The following MUC5B variants were observed in gnomAD, a reference collection of about 807,000 sequenced individuals.
The protein encoded by MUC5B is mucin 5B, oligomeric mucus/gel-forming.
A neutral mutation model predicts 376.9 loss-of-function variants in MUC5B; 116 were observed. The ratio of observed to expected loss-of-function variants is 0.31; its 90% CI spans 0.26 to 0.36. The LOEUF is 0.36. Among genes scored for constraint, MUC5B ranks in the 10% least tolerant of loss-of-function variants. The pLI is 1.00. For synonymous variants in MUC5B, 3,517 were observed against 3,390.9 expected (o/e 1.04, Z -1.29); for missense variants, 7,165 against 7,769.9 (o/e 0.92, Z 2.93).
At chr11:1,260,155 AT>A in intron 46 of MUC5B, 70 bp downstream of exon 46, 1 of 1,574,752 alleles carries the variant, frequency 6.4e-7, no homozygotes, top group Non-Finnish European at 8.6e-7. Flanking sequence ...CCTGTCTGGG[AT>A]GCCCTGCACA....
At position 1,242,541 on chromosome 11, in the gene MUC5B, T is replaced by C. The variant is rs1590177812; in HGVS notation, c.5661T>C (p.Ser1887=). 3 of 1,613,624 alleles carry C rather than the reference T, an allele frequency of 1.9e-6. No individual in the cohort carries two copies. The highest frequency in any genetic ancestry group is 1.3e-5 in the African/African-American group (1 of 74,814). The change falls in exon 31 of 49, where the codon AGT becomes AGC. Residue 1887 remains serine (S), a synonymous_variant. Transcript: ENST00000529681. ...LCCDDYSHCP[S]TPATSSTATP... The stretch of plus-strand genomic sequence containing the variant: ...GTGACGACTACAGCCACTGCCCCAG[T>C]ACCCCAGCCACCAGCTCCACGGCCA...
chr11:1,254,033 G>C, intron 33 of MUC5B, 59 bp from the exon 34 acceptor site: 1 of 1,566,518 alleles, frequency 6.4e-7, no homozygotes, highest in Non-Finnish European at 8.6e-7. Flanking sequence ...CTGCCATGAC[G>C]CCTGGGGAGC....
chr11:1,235,620 G>A (rs138255374), intron 23 of MUC5B: 4 of 596,424 alleles, frequency 6.7e-6, no homozygotes, highest in African/African-American at 3.7e-5. Flanking sequence ...ATCCAGGCGG[G>A]CAGGGCCACA....
At chr11:1,239,098 C>T (rs1318550296) in intron 26 of MUC5B, 71 bp downstream of exon 26, 14 of 1,525,038 alleles carry the variant, frequency 9.2e-6, no homozygotes, top group South Asian at 2.4e-5. Flanking sequence ...TGGCAGCCTC[C>T]GAAGGTGCAT....
chr11:1,251,390 C>T lies in MUC5B; in HGVS notation c.14510C>T (p.Thr4837Ile). 1 of 1,612,294 alleles carries T rather than the reference C, an allele frequency of 6.2e-7. No individual in the cohort carries two copies. The highest frequency in any genetic ancestry group is 8.5e-7 in the Non-Finnish European group (1 of 1,178,992). ...ACTGCAGCCACTGGATCCACGGCCA[C>T]CCTGTCCTCCACCCCAGGGACCACC... ...TTTAATGSTA[T>I]LSSTPGTTWI... is the part of the protein sequence containing the mutation. The change falls in exon 31 of 49, where the codon ACC becomes ATC. Residue 4837 changes from threonine to isoleucine, a missense_variant. Physicochemically the swap from Thr to Ile is moderately conservative, Grantham distance 89 (BLOSUM62 -1). Coordinates refer to ENST00000529681, the MANE Select transcript of MUC5B (RefSeq NM_002458.3).
In MUC5B at chr11:1,234,364, C is replaced by T; in HGVS notation, c.2478+59C>T. The T allele has an allele frequency of 6.5e-7, 1 of 1,529,452 alleles. No individual in the cohort carries two copies. The highest frequency in any genetic ancestry group is 2.4e-5 in the East Asian group (1 of 41,282). 94.7% of individuals were successfully genotyped at this position (1,529,452 alleles called of 1,614,324 possible). ...GAAGGGGTCCCAGCTTTCCCAGCTC[C>T]CGAGCCCAGGGATCTGGTGGTCCTG... On this transcript the variant is annotated intron_variant, in intron 20 of 48. Coordinates refer to ENST00000529681, the MANE Select transcript of MUC5B (RefSeq NM_002458.3). This position sits in a 1 kb window ranked among gnomAD's most constrained non-coding sequence, Gnocchi z 6.3.
chr11:1,233,778 G>A lies in MUC5B; in HGVS notation c.2322-15G>A, dbSNP rs375754221. ...GAGGGCCGCAGATCCAGGCTGTGCC[G>A]TCTGTCTCTTGTAGTTCATGTACGG... is the stretch of plus-strand genomic sequence containing the variant. On this transcript the variant is annotated splice_polypyrimidine_tract_variant and intron_variant, in intron 18 of 48. Coordinates refer to ENST00000529681, the MANE Select transcript of MUC5B (RefSeq NM_002458.3). 3.2e-5 allele frequency: 51 copies of A among 1,599,872 alleles called. No homozygotes were observed. In the African/African-American group the frequency reaches 3.3e-4, roughly 11 times the overall value.
intron 3 of MUC5B, 128 bp from the exon 4 acceptor site, chr11:1,226,487 C>T: frequency 2.2e-6 from 3 of 1,368,080 alleles, no homozygotes. Context: ...CCAGGGTGAG[C>T]CAGGCAGGGC....
In MUC5B at chr11:1,247,415, C is replaced by G. The variant is rs1177242860; in HGVS notation, c.10535C>G (p.Pro3512Arg). Residue 3512 changes from proline (P) to arginine (R), a missense_variant, in exon 31 of 49, where the codon CCT becomes CGT. Pro to Arg is a moderately radical substitution (Grantham distance 103). Coordinates refer to ENST00000529681, the MANE Select transcript of MUC5B (RefSeq NM_002458.3). Reference sequence around the variant, plus strand: ...CACTCGACTCCAGCCCTGTCCAGCCCTCACCCTAGCAGCAGGACCACCGAG... The same window carrying G: ...CACTCGACTCCAGCCCTGTCCAGCCGTCACCCTAGCAGCAGGACCACCGAG... Reference protein sequence around the residue: ...TQHSTPALSSPHPSSRTTESP... With the variant: ...TQHSTPALSSRHPSSRTTESP... The G allele has an allele frequency of 6.2e-7, 1 of 1,609,380 alleles. No homozygotes were observed. Among genetic ancestry groups the G allele is most frequent in the Non-Finnish European group, 8.5e-7 (1 of 1,178,820 alleles).
chr11:1,225,858 C>A, intron 2 of MUC5B, 121 bp downstream of exon 2: 1 of 971,420 alleles, frequency 1.0e-6, no homozygotes, highest in Non-Finnish European at 1.6e-6. Flanking sequence ...CTCCCTGGGT[C>A]CCCTGCCCAG....
chr11:1,225,815 C>A, intron 2 of MUC5B, 78 bp downstream of exon 2: 1 of 1,372,276 alleles, frequency 7.3e-7, no homozygotes, highest in Non-Finnish European at 1.0e-6. Context: ...CAGGCAGACG[C>A]CTCTCCAAGC....
intron 44 of MUC5B, 26 bp from the exon 45 acceptor site, chr11:1,259,730 G>A (rs1264729719): frequency 2.5e-6 from 4 of 1,610,700 alleles, no homozygotes; most frequent in African/African-American, 1.3e-5. Flanking sequence ...GAGGGTTAGG[G>A]CCTGACGCCC....
rs1288814123 is a variant in MUC5B, at chr11:1,231,980, C to T, written c.1679-16C>T. On this transcript the variant is annotated splice_polypyrimidine_tract_variant and intron_variant, in intron 14 of 48. Transcript: ENST00000529681. Reference sequence around the variant, plus strand: ...CCCAACAGTGGCCGCTGACATCCCCCAACCCTGGCCCCCAGGCCTGTGTGG... The same window carrying T: ...CCCAACAGTGGCCGCTGACATCCCCTAACCCTGGCCCCCAGGCCTGTGTGG... 6.2e-7 allele frequency: 1 copy of T among 1,612,384 alleles called. No individual in the cohort carries two copies. Among genetic ancestry groups the T allele is most frequent in the African/African-American group, 1.3e-5 (1 of 75,046 alleles).
Position 1,248,393 on chromosome 11 carries a change from C to T in MUC5B, c.11513C>T (p.Thr3838Ile), listed in dbSNP as rs763983602. 12 of 1,612,726 alleles carry T rather than the reference C, an allele frequency of 7.4e-6. No individual in the cohort carries two copies. The South Asian group carries it at 1.2e-4, about 16-fold the overall frequency. ...ACTGCCCACACCTCCACAGTGCTTA[C>T]CACCACGGCCACCACAACCAGGGCC... is the stretch of plus-strand genomic sequence containing the variant. ...PETAHTSTVL[T>I]TTATTTRATG... The change falls in exon 31 of 49, where the codon ACC becomes ATC. Residue 3838 changes from threonine to isoleucine, a missense_variant. Physicochemically the swap from Thr to Ile is moderately conservative, Grantham distance 89. Transcript: ENST00000529681.
chr11:1,254,403 G>C lies in MUC5B; in HGVS notation c.15477+52G>C, dbSNP rs1862779876. The stretch of plus-strand genomic sequence containing the variant: ...TGTTGGCCCAGTCCCAACCGCACCT[G>C]GGCAGGCCGACTGCAGGCCGGGGTG... On this transcript the variant is annotated intron_variant, in intron 34 of 48. Transcript: ENST00000529681. The C allele has an allele frequency of 1.9e-6, 3 of 1,583,718 alleles. No individual in the cohort carries two copies. In the East Asian group the frequency reaches 6.8e-5, roughly 36 times the overall value.
In MUC5B at chr11:1,248,053, C is replaced by A. The variant is rs764840665; in HGVS notation, c.11173C>A (p.Pro3725Thr). Residue 3725 changes from proline (P) to threonine (T), a missense_variant, in exon 31 of 49, where the codon CCG becomes ACG. Transcript: ENST00000529681. ...TPGTTWILTE[P>T]STTATVTVPT... The stretch of plus-strand genomic sequence containing the variant: ...AGGGACCACCTGGATCCTCACAGAG[C>A]CGAGCACTACAGCCACCGTGACGGT... 11 of 1,604,520 alleles carry A rather than the reference C, an allele frequency of 6.9e-6. No homozygotes were observed. In the East Asian group the frequency reaches 2.2e-4, roughly 33 times the overall value.
Position 1,243,624 on chromosome 11 carries a change from G to C in MUC5B, c.6744G>C (p.Ser2248=), listed in dbSNP as rs745342274. 6.2e-6 allele frequency: 10 copies of C among 1,609,446 alleles called. No individual in the cohort carries two copies. The East Asian group carries it at 2.2e-4, about 36-fold the overall frequency. Residue 2248 remains serine, a synonymous_variant, in exon 31 of 49, where the codon TCG becomes TCC. Coordinates refer to ENST00000529681, the MANE Select transcript of MUC5B (RefSeq NM_002458.3). ...LAATTGTTQH[S]TPALSSPHPS... ...CAACCACCGGTACCACCCAGCACTC[G>C]ACTCCAGCCCTTTCCAGCCCTCACC...
At chr11:1,230,828 C>T (rs1862011772) in intron 12 of MUC5B, 108 bp from the exon 13 acceptor site, 1 of 1,327,998 alleles carries the variant, frequency 7.5e-7, no homozygotes, top group Non-Finnish European at 1.1e-6. Context: ...CTGAGCTTCT[C>T]TGTGGGCTCT....
At chr11:1,223,602 C>T (rs916668659) in intron 1 of MUC5B, among the ~76,000 whole-genome samples, 10 of 152,158 alleles carry the variant, frequency 6.6e-5, no homozygotes, top group Admixed American at 2.0e-4. Flanking sequence ...TGTCCAGGAC[C>T]GGCTCTACCC....
Sources: allele counts gnomAD v4.1 joint callset (sites outside exome capture counted in the v4.1 genomes callset), GRCh38; gene constraint gnomAD v4.1.1; non-coding constraint Gnocchi (gnomAD v3.1); transcripts MANE v1.5; gene names NCBI Gene and HGNC (gene_info 2026-07-23, HGNC 2026-07-21).